The following NPC1L1 variants were observed in gnomAD, a reference collection of about 807,000 sequenced individuals.
The protein encoded by NPC1L1 is NPC1 like intracellular cholesterol transporter 1.
A neutral mutation model predicts 117.0 loss-of-function variants in NPC1L1; 98 were observed. The observed-to-expected ratio is 0.84, with a 90% CI of 0.71 to 0.99. The LOEUF (loss-of-function observed/expected upper bound fraction) is 0.99, where lower values mean the gene tolerates loss of function less well. Among genes scored for constraint, NPC1L1 ranks in the 50% least tolerant of loss-of-function variants. NPC1L1 has a pLI of 0.00. For synonymous variants in NPC1L1, 729 were observed against 727.6 expected (o/e 1.00, Z -0.03); for missense variants, 1,540 against 1,710.0 (o/e 0.90, Z 1.75).
intron 10 of NPC1L1, among the ~76,000 whole-genome samples, chr7:44,530,229 T>C (rs957739220): frequency 2.6e-5 from 4 of 151,926 alleles, no homozygotes; most frequent in Admixed American, 2.6e-4. Flanking sequence ...TCCCAGTTAC[T>C]TGGGAGGCTG....
chr7:44,519,694 G>A (rs1275755341), intron 14 of NPC1L1, among the ~76,000 whole-genome samples: 1 of 152,108 alleles, frequency 6.6e-6, no homozygotes, highest in Non-Finnish European at 1.5e-5. Flanking sequence ...ACGGAGCTAT[G>A]GCCAGCTCCT....
Position 44,534,472 on chromosome 7 carries a change from A to G in NPC1L1, c.2141T>C (p.Ile714Thr). The change falls in exon 6 of 19, where the codon ATC becomes ACC. Residue 714 changes from isoleucine (I) to threonine (T), a missense_variant. Ile to Thr is a moderately conservative substitution (Grantham distance 89). Around this residue, in one of 3 missense-constraint regions of NPC1L1, gnomAD observed 742 missense variants for 873.6 expected, o/e 0.85. Transcript: ENST00000381160. This position sits in a 1 kb window ranked among gnomAD's most constrained non-coding sequence, Gnocchi z 5.2. ...CTGGTACTCGAGAACAAAGATGAAG[A>G]TGTTATCAGCCCCCACGGACAGCAC... is the stretch of plus-strand genomic sequence containing the variant. ...FLVLSVGADN[I>T]FIFVLEYQRL... is the part of the protein sequence containing the mutation. 2.5e-6 allele frequency: 4 copies of G among 1,614,106 alleles called. No individual in the cohort carries two copies. Among genetic ancestry groups the G allele is most frequent in the Non-Finnish European group, 3.4e-6 (4 of 1,180,014 alleles).
intron 18 of NPC1L1, among the ~76,000 whole-genome samples, chr7:44,515,247 G>C (rs985571262): frequency 1.3e-5 from 2 of 151,828 alleles, no homozygotes; most frequent in African/African-American, 4.8e-5. Flanking sequence ...CCAGCTACTC[G>C]GGAGGCTGAG....
In NPC1L1 at chr7:44,521,094, C is replaced by T. The variant is rs1801340000; in HGVS notation, c.2978G>A (p.Cys993Tyr). The change falls in exon 13 of 19, where the codon TGC becomes TAC. Residue 993 changes from cysteine to tyrosine, a missense_variant. By Grantham distance (194) the Cys-to-Tyr change is radical (BLOSUM62 -2). Transcript: ENST00000381160. ...TVNSLNCLKN[C>Y]MSITMGSVRP... is the part of the protein sequence containing the mutation. ...CACAGAGCCCATCGTGATGCTCATGCAGTTCTTTAGGCAGTTCAGAGAGTC... is the reference window on the plus strand; with the variant it reads ...CACAGAGCCCATCGTGATGCTCATGTAGTTCTTTAGGCAGTTCAGAGAGTC... The T allele has an allele frequency of 6.2e-7, 1 of 1,614,078 alleles. No homozygotes were observed. The highest frequency in any genetic ancestry group is 1.3e-5 in the African/African-American group (1 of 74,922).
rs200227349 is a variant in NPC1L1 at position 44,519,811 on chromosome 7, TC to T, written c.3136+953del. 6.6e-5 allele frequency among the ~76,000 whole-genome samples: 10 copies of T among 151,040 alleles called. 1 individual carries two copies. Among genetic ancestry groups the T allele is most frequent in the Non-Finnish European group, 1.0e-4 (7 of 67,712 alleles). On this transcript the variant is annotated intron_variant, in intron 14 of 18. Transcript: ENST00000381160. ...GCATCTCTCTTGTTACTTTTTTCTTTCTTTTTTTTTTTGAGAGAGGGTCTCA... is the reference window on the plus strand; with the variant it reads ...GCATCTCTCTTGTTACTTTTTTCTTTTTTTTTTTTTTGAGAGAGGGTCTCA...
chr7:44,516,255 A>C, intron 16 of NPC1L1, 58 bp from the exon 17 acceptor site: 1 of 1,422,452 alleles, frequency 7.0e-7, no homozygotes, highest in Non-Finnish European at 9.7e-7. Flanking sequence ...GGAACTAGGG[A>C]GATGAGGCCT....
In NPC1L1 at chr7:44,536,999, T is replaced by G; in HGVS notation, c.1581-57A>C. The G allele has an allele frequency of 6.9e-7, 1 of 1,457,090 alleles. No homozygotes were observed. 90.3% of individuals were successfully genotyped at this position (1,457,090 alleles called of 1,614,324 possible). On this transcript the variant is annotated intron_variant, in intron 2 of 18. Coordinates refer to ENST00000381160, the MANE Select transcript of NPC1L1 (RefSeq NM_001101648.2). This position sits in a 1 kb window ranked among gnomAD's most constrained non-coding sequence, Gnocchi z 4.7. ...CTTTCCTGGCCCTGCCCAGTCCCTATGGCCCCTCCCTTCCCCTCCCACCCC... is the reference window on the plus strand; with the variant it reads ...CTTTCCTGGCCCTGCCCAGTCCCTAGGGCCCCTCCCTTCCCCTCCCACCCC...
Position 44,513,114 on chromosome 7 carries a change from T to C in NPC1L1, c.*333A>G, listed in dbSNP as rs1012373610. The C allele has an allele frequency of 1.5e-5, 6 of 392,878 alleles. No individual in the cohort carries two copies. The highest frequency in any genetic ancestry group is 2.9e-5 in the Non-Finnish European group (6 of 206,674). The allele number at this position is 392,878 out of a possible 1,614,324, so 24.3% of individuals were successfully genotyped here. A position where few individuals can be genotyped will look rare whatever the true frequency, so the allele number is the denominator to read the frequency against. ...GAGAGAGGAACTGAGAAGGGAAAAG[T>C]TGGATGAGAAGTGGGCTCCTAGGAA... On this transcript the variant is annotated 3_prime_UTR_variant, in exon 19 of 19. Transcript: ENST00000381160.
At position 44,516,211 on chromosome 7, in the gene NPC1L1, G is replaced by A. The variant is rs1801181686; in HGVS notation, c.3520-14C>T. The A allele has an allele frequency of 6.3e-7, 1 of 1,585,806 alleles. No individual in the cohort carries two copies. The highest frequency in any genetic ancestry group is 2.3e-5 in the East Asian group (1 of 44,116). On this transcript the variant is annotated splice_polypyrimidine_tract_variant and intron_variant, in intron 16 of 18. Transcript: ENST00000381160. ...CATGCCCACCGCCTATGGGCAGAGA[G>A]GGGGCATAAGCCAAGAAAGGCAGAG...
rs573927142 is a variant in NPC1L1 at position 44,525,942 on chromosome 7, G to A, written c.2638-3700C>T. On this transcript the variant is annotated intron_variant, in intron 10 of 18. Transcript: ENST00000381160. ...GCACTTCAGGAGGCTGAGGCAGGTG[G>A]ATCACCTGAGGTCAGGAGTTTGAGA... 2.3e-3 allele frequency among the ~76,000 whole-genome samples: 355 copies of A among 152,048 alleles called. 3 individuals carry two copies. The highest frequency in any genetic ancestry group is 0.017 in the Middle Eastern group (5 of 292).
At position 44,539,422 on chromosome 7, in the gene NPC1L1, G is replaced by A; in HGVS notation, c.975C>T (p.Leu325=). ...KMVDPKKGTS[L]SDKLSFSTHT... is the part of the protein sequence containing the mutation. ...GGGTGGAGAAGCTGAGCTTGTCAGA[G>A]AGGCTGGTGCCCTTCTTGGGGTCCA... is the stretch of plus-strand genomic sequence containing the variant. The change falls in exon 2 of 19, where the codon CTC becomes CTT. Residue 325 remains leucine, a synonymous_variant. Coordinates refer to ENST00000381160, the MANE Select transcript of NPC1L1 (RefSeq NM_001101648.2). This position sits in a 1 kb window ranked among gnomAD's most constrained non-coding sequence, Gnocchi z 4.4. 6.2e-7 allele frequency: 1 copy of A among 1,614,090 alleles called. No homozygotes were observed. The highest frequency in any genetic ancestry group is 8.5e-7 in the Non-Finnish European group (1 of 1,179,988).
In NPC1L1 at chr7:44,534,622, G is replaced by A; in HGVS notation, c.1991C>T (p.Ser664Phe). The A allele has an allele frequency of 2.5e-6, 4 of 1,613,902 alleles. No individual in the cohort carries two copies. Among genetic ancestry groups the A allele is most frequent in the Non-Finnish European group, 3.4e-6 (4 of 1,179,910 alleles). The change falls in exon 6 of 19, where the codon TCC (serine) becomes TTC (phenylalanine). Residue 664 changes from serine (S) to phenylalanine (F), a missense_variant. Ser to Phe is a radical substitution (Grantham distance 155, BLOSUM62 -2). Around this residue, in one of 3 missense-constraint regions of NPC1L1, gnomAD observed 742 missense variants for 873.6 expected, o/e 0.85. Coordinates refer to ENST00000381160, the MANE Select transcript of NPC1L1 (RefSeq NM_001101648.2). This position sits in a 1 kb window ranked among gnomAD's most constrained non-coding sequence, Gnocchi z 5.2. ...YSSWSRVMVD[S>F]KATLGLGGVA... Reference sequence around the variant, plus strand: ...CCCGCCGAGGCCCAGCGTGGCCTTGGAGTCCACCTGCAATGCAAACAGGCT... The same window carrying A: ...CCCGCCGAGGCCCAGCGTGGCCTTGAAGTCCACCTGCAATGCAAACAGGCT...
At chr7:44,521,236 G>T in intron 12 of NPC1L1, 118 bp from the exon 13 acceptor site, 7 of 1,332,250 alleles carry the variant, frequency 5.3e-6, no homozygotes, top group Non-Finnish European at 6.4e-6. Context: ...TCAACCAGTC[G>T]CTTCTAGGGG....
At position 44,541,286 on chromosome 7, in the gene NPC1L1, G is replaced by A; in HGVS notation, c.-27C>T. The A allele has an allele frequency of 1.3e-6, 2 of 1,548,684 alleles. No individual in the cohort carries two copies. Among genetic ancestry groups the A allele is most frequent in the East Asian group, 2.4e-5 (1 of 40,902 alleles). The stretch of plus-strand genomic sequence containing the variant: ...CCAGGTCTGGGAAGGGGTCAGCGGG[G>A]AGCCAGGCCAGGCCTCAGGAACAGC... On this transcript the variant is annotated 5_prime_UTR_variant, in exon 1 of 19. Transcript: ENST00000381160.
Position 44,532,168 on chromosome 7 carries a change from G to C in NPC1L1, c.2459C>G (p.Pro820Arg). The C allele has an allele frequency of 6.2e-7, 1 of 1,613,938 alleles. No homozygotes were observed. Among genetic ancestry groups the C allele is most frequent in the Non-Finnish European group, 8.5e-7 (1 of 1,180,008 alleles). ...CCCVKPQELPPPGQGEGLLLG... is the reference protein window; with the variant it reads ...CCCVKPQELPRPGQGEGLLLG... ...CAGGAGCCCCTCTCCCTGGCCAGGC[G>C]GGGGCAGCTCCTGGGGCTTGACACA... is the stretch of plus-strand genomic sequence containing the variant. Residue 820 changes from proline (P) to arginine (R), a missense_variant, in exon 9 of 19, where the codon CCG becomes CGG. Coordinates refer to ENST00000381160, the MANE Select transcript of NPC1L1 (RefSeq NM_001101648.2).
chr7:44,521,228 A>G, intron 12 of NPC1L1, 110 bp from the exon 13 acceptor site: 3 of 1,435,802 alleles, frequency 2.1e-6, no homozygotes, highest in Non-Finnish European at 2.9e-6. Flanking sequence ...CTCCAGCCTC[A>G]ACCAGTCGCT....
rs759510403 is a variant in NPC1L1 at position 44,539,228 on chromosome 7, G to T, written c.1169C>A (p.Ala390Asp). Residue 390 changes from alanine to aspartate, a missense_variant, in exon 2 of 19, where the codon GCC becomes GAC. Physicochemically the swap from Ala to Asp is moderately radical, Grantham distance 126. This residue lies in a region of NPC1L1 where 793 missense variants were observed against 820.4 expected (regional missense o/e 0.97). Transcript: ENST00000381160. This position sits in a 1 kb window ranked among gnomAD's most constrained non-coding sequence, Gnocchi z 4.4. ...VELWSAPNSQ[A>D]RSEKAFHDQH... is the part of the protein sequence containing the mutation. ...GTCATGGAAAGCTTTCTCACTCCGG[G>T]CTTGGCTGTTGGGGGCCGACCACAG... The T allele has an allele frequency of 1.9e-6, 3 of 1,613,992 alleles. No individual in the cohort carries two copies. Among genetic ancestry groups the T allele is most frequent in the Non-Finnish European group, 2.5e-6 (3 of 1,180,034 alleles).
rs149392392 is a variant in NPC1L1, at chr7:44,533,844, G to A, written c.2176C>T (p.Arg726Trp). 16 of 1,611,260 alleles carry A rather than the reference G, an allele frequency of 9.9e-6. No individual in the cohort carries two copies. The highest frequency in any genetic ancestry group is 4.0e-5 in the African/African-American group (3 of 74,920). ...ACCTCTCGTGGCTCCCCAGGCCTCC[G>A]GGGCAGCCTCTGTGTGGGAACAGCA... ...IFVLEYQRLP[R>W]RPGEPREVHI... The change falls in exon 7 of 19, where the codon CGG (arginine) becomes TGG (tryptophan). Residue 726 changes from arginine to tryptophan, a missense_variant. Physicochemically the swap from Arg to Trp is moderately radical, Grantham distance 101 (BLOSUM62 -3). Coordinates refer to ENST00000381160, the MANE Select transcript of NPC1L1 (RefSeq NM_001101648.2).
intron 17 of NPC1L1, 43 bp downstream of exon 17, chr7:44,516,041 G>C: frequency 1.2e-6 from 2 of 1,606,854 alleles, no homozygotes; most frequent in Non-Finnish European, 1.7e-6. Context: ...CAGGGCACAG[G>C]GTGTCGAGTG....
Sources: allele counts gnomAD v4.1 joint callset (sites outside exome capture counted in the v4.1 genomes callset), GRCh38; gene constraint gnomAD v4.1.1; regional missense constraint gnomAD v4.1.1; non-coding constraint Gnocchi (gnomAD v3.1); transcripts MANE v1.5; gene names NCBI Gene and HGNC (gene_info 2026-07-23, HGNC 2026-07-21).